ZFPM2: variants seen among roughly 807,000 people sequenced by gnomAD.
ZFPM2 encodes the protein zinc finger protein ZFPM2.
A neutral mutation model predicts 98.6 loss-of-function variants in ZFPM2; 20 were observed. That is an observed-to-expected ratio of 0.20 (90% confidence interval 0.14 to 0.29). The LOEUF (loss-of-function observed/expected upper bound fraction) is 0.29. ZFPM2 is among the 10% of genes least tolerant of loss of function. The pLI is 1.00. For missense variants in ZFPM2, 1,310 were observed against 1,388.6 expected (o/e 0.94, Z 0.90); for synonymous variants, 518 against 502.7 (o/e 1.03, Z -0.41).
chr8:105,795,172 G>A (rs144694196), intron 6 of ZFPM2, among the ~76,000 whole-genome samples: 10,256 of 151,950 alleles, frequency 0.067, 419 homozygotes, highest in East Asian at 0.12. Context: ...CGTCTTCTGC[G>A]TCACTCACGC....
chr8:105,499,571 A>T (rs2130464595), intron 3 of ZFPM2, among the ~76,000 whole-genome samples: 1 of 152,310 alleles, frequency 6.6e-6, no homozygotes, highest in Non-Finnish European at 1.5e-5. Flanking sequence ...GTTTTAATGG[A>T]AGGAGAGAAG....
intron 5 of ZFPM2, among the ~76,000 whole-genome samples, chr8:105,723,071 T>C (rs1257935788): frequency 1.3e-5 from 2 of 151,884 alleles, no homozygotes; most frequent in Non-Finnish European, 2.9e-5. Context: ...TCCATCAACT[T>C]ATCATCTGTT....
chr8:105,710,656 C>T (rs1811362340), intron 5 of ZFPM2, among the ~76,000 whole-genome samples: 1 of 140,712 alleles, frequency 7.1e-6, no homozygotes, highest in Non-Finnish European at 1.5e-5. Flanking sequence ...TCTAAAAATG[C>T]ACAAAATTGT....
intron 2 of ZFPM2, among the ~76,000 whole-genome samples, chr8:105,441,304 C>G (rs1812233361): frequency 6.6e-6 from 1 of 151,478 alleles, no homozygotes; most frequent in Admixed American, 6.6e-5. Flanking sequence ...CTGTACCTAC[C>G]ACAGTTCCTT....
At chr8:105,639,479 C>A (rs529686467) in intron 5 of ZFPM2, among the ~76,000 whole-genome samples, 1 of 152,118 alleles carries the variant, frequency 6.6e-6, no homozygotes, top group East Asian at 1.9e-4. Flanking sequence ...CTCACTCTCA[C>A]CTCAACAACA....
chr8:105,511,113 G>T (rs1221651180), intron 3 of ZFPM2, among the ~76,000 whole-genome samples: 2 of 152,156 alleles, frequency 1.3e-5, no homozygotes, highest in Admixed American at 6.5e-5. Flanking sequence ...AGCAAGAATG[G>T]CCTTCAACAC....
chr8:105,622,177 G>C (rs1227758182), intron 4 of ZFPM2, among the ~76,000 whole-genome samples: 2 of 152,038 alleles, frequency 1.3e-5, no homozygotes, highest in Non-Finnish European at 2.9e-5. Flanking sequence ...CCAAACTTCA[G>C]TGTAACACAC....
intron 5 of ZFPM2, chr8:105,780,401 A>G (rs1217963292): frequency 2.0e-5 from 3 of 152,208 alleles, no homozygotes; most frequent in Non-Finnish European, 2.9e-5. Context: ...AATAAAATAA[A>G]TCACTTCAAA....
chr8:105,540,894 T>C (rs527259244), intron 3 of ZFPM2, among the ~76,000 whole-genome samples: 2 of 152,296 alleles, frequency 1.3e-5, no homozygotes, highest in East Asian at 3.9e-4. Context: ...CATCAAGTTA[T>C]TTAACTTGAG....
At chr8:105,523,144 G>A (rs1814098853) in intron 3 of ZFPM2, among the ~76,000 whole-genome samples, 1 of 152,108 alleles carries the variant, frequency 6.6e-6, no homozygotes, top group Non-Finnish European at 1.5e-5. Context: ...ATGATAAAAT[G>A]AAAATATTTA....
At chr8:105,517,702 ACACAC>A (rs56677139) in intron 3 of ZFPM2, among the ~76,000 whole-genome samples, 5 of 42,176 alleles carry the variant, frequency 1.2e-4, no homozygotes, top group Non-Finnish European at 1.9e-4. Context: ...CCACACACAC[ACACAC>A]CACACACACA....
At chr8:105,372,027 TTATTATTATTATTATTA>T (rs1810632086) in intron 1 of ZFPM2, among the ~76,000 whole-genome samples, 1 of 148,750 alleles carries the variant, frequency 6.7e-6, no homozygotes, top group Admixed American at 6.7e-5. Context: ...ATTATTATTA[TTATTATTATTATTATTA>T]TTATTTTATT....
intron 3 of ZFPM2, among the ~76,000 whole-genome samples, chr8:105,525,600 C>G (rs1814158068): frequency 6.6e-6 from 1 of 152,108 alleles, no homozygotes; most frequent in Non-Finnish European, 1.5e-5. Context: ...ACTAAATTTT[C>G]AAATATAGAG....
intron 1 of ZFPM2, among the ~76,000 whole-genome samples, chr8:105,327,235 GTAA>G (rs1563604956): frequency 1.3e-5 from 2 of 151,530 alleles, no homozygotes; most frequent in South Asian, 2.1e-4. Flanking sequence ...GATTTTTTCA[GTAA>G]TAATCTCTAA....
chr8:105,536,161 G>A (rs1181694221), intron 3 of ZFPM2, among the ~76,000 whole-genome samples: 2 of 152,090 alleles, frequency 1.3e-5, no homozygotes, highest in Non-Finnish European at 2.9e-5. Flanking sequence ...CCTAAGTTCT[G>A]AAAGAATAAA....
At chr8:105,566,712 T>C (rs72673751) in intron 4 of ZFPM2, among the ~76,000 whole-genome samples, 24,888 of 152,182 alleles carry the variant, frequency 0.16, 2,207 homozygotes, top group East Asian at 0.32. Context: ...ACTATTCTGA[T>C]TGGATTCAGC....
intron 3 of ZFPM2, among the ~76,000 whole-genome samples, chr8:105,480,069 T>G (rs1388156315): frequency 2.0e-5 from 3 of 152,210 alleles, no homozygotes; most frequent in Non-Finnish European, 2.9e-5. Context: ...TGTGATAATC[T>G]TTTGAGAGTG....
intron 2 of ZFPM2, among the ~76,000 whole-genome samples, chr8:105,419,845 A>G (rs1215081251): frequency 1.3e-5 from 2 of 151,746 alleles, no homozygotes; most frequent in African/African-American, 4.9e-5. Context: ...CACATTAACA[A>G]TATAATCCAA....
intron 1 of ZFPM2, among the ~76,000 whole-genome samples, chr8:105,407,115 T>A (rs1811476768): frequency 6.6e-6 from 1 of 151,770 alleles, no homozygotes; most frequent in Non-Finnish European, 1.5e-5. Context: ...CTAATTTTTT[T>A]TTTTTTTTTT....
Sources: allele counts gnomAD v4.1 joint callset (sites outside exome capture counted in the v4.1 genomes callset), GRCh38; gene constraint gnomAD v4.1.1; transcripts MANE v1.5; gene names NCBI Gene and HGNC (gene_info 2026-07-23, HGNC 2026-07-21).